Variants in DNMBP observed in about 807,000 individuals in gnomAD.
DNMBP encodes dynamin binding protein.
DNMBP carries 87 observed loss-of-function variants against 150.0 expected under a neutral mutation model. The observed-to-expected ratio is 0.58, with a 90% CI of 0.49 to 0.69. DNMBP has a LOEUF of 0.69. DNMBP is among the 30% of genes least tolerant of loss of function. DNMBP has a pLI of 0.00. For synonymous variants in DNMBP, 711 were observed against 750.4 expected (o/e 0.95, Z 0.86); for missense variants, 1,774 against 1,949.0 (o/e 0.91, Z 1.69).
intron 1 of DNMBP, among the ~76,000 whole-genome samples, chr10:99,997,572 TA>T (rs911357683): frequency 6.6e-6 from 1 of 151,694 alleles, no homozygotes; most frequent in African/African-American, 2.4e-5. Context: ...CAGACACCCT[TA>T]AAAAATCCAG....
At chr10:99,900,724 T>C (rs1253834480) in intron 6 of DNMBP, among the ~76,000 whole-genome samples, 3 of 151,986 alleles carry the variant, frequency 2.0e-5, no homozygotes, top group Non-Finnish European at 1.5e-5. Context: ...TCCGCCTCCC[T>C]GGTTCAAGTG....
At chr10:99,964,500 T>TC (rs1232180436) in intron 3 of DNMBP, among the ~76,000 whole-genome samples, 1 of 151,796 alleles carries the variant, frequency 6.6e-6, no homozygotes, top group Non-Finnish European at 1.5e-5. Context: ...TGTTTTTGTT[T>TC]TTTTTTTAGG....
intron 4 of DNMBP, among the ~76,000 whole-genome samples, chr10:99,944,617 C>T (rs1413829877): frequency 5.9e-5 from 9 of 152,214 alleles, no homozygotes. Context: ...GTACCCAGCC[C>T]TTAGCACAGT....
At chr10:99,916,245 C>G (rs1330900857) in intron 4 of DNMBP, among the ~76,000 whole-genome samples, 1 of 152,196 alleles carries the variant, frequency 6.6e-6, no homozygotes, top group Non-Finnish European at 1.5e-5. Context: ...GGCGGATCAC[C>G]TGAGGTGAGG....
intron 1 of DNMBP, among the ~76,000 whole-genome samples, chr10:99,998,801 T>A (rs1564759417): frequency 6.6e-6 from 1 of 152,128 alleles, no homozygotes; most frequent in Non-Finnish European, 1.5e-5. Flanking sequence ...CTATTTTTTT[T>A]AAGTCATTAG....
intron 4 of DNMBP, among the ~76,000 whole-genome samples, chr10:99,935,369 GT>G (rs972386783): frequency 2.7e-5 from 4 of 149,452 alleles, no homozygotes; most frequent in South Asian, 2.1e-4. Context: ...GACAGACTTA[GT>G]TTTTTTTTTC....
intron 1 of DNMBP, among the ~76,000 whole-genome samples, chr10:99,986,701 A>G (rs2040831849): frequency 6.6e-6 from 1 of 151,942 alleles, no homozygotes; most frequent in Non-Finnish European, 1.5e-5. Flanking sequence ...GCTTGAAACA[A>G]TCAGAGGTTA....
chr10:99,965,456 C>T (rs146841105), intron 3 of DNMBP, among the ~76,000 whole-genome samples: 2 of 151,126 alleles, frequency 1.3e-5, no homozygotes, highest in Admixed American at 6.6e-5. Context: ...TAAAAAGGCA[C>T]GTGGTAAAAC....
intron 4 of DNMBP, among the ~76,000 whole-genome samples, chr10:99,923,394 A>T (rs943850169): frequency 1.3e-5 from 2 of 151,622 alleles, no homozygotes; most frequent in African/African-American, 4.9e-5. Context: ...TCCAAAAAAA[A>T]TAATAATAAA....
In DNMBP at chr10:99,880,261, C is replaced by T. The variant is rs758879428; in HGVS notation, c.4098G>A (p.Glu1366=). ...SVGSHSSTES[E]HGSSSPRFPR... ...GGAACCTGGGGGAGGAGCTGCCGTG[C>T]TCAGACTCTGTGGAGGAGTGGCTAC... Residue 1366 remains glutamate, a synonymous_variant, in exon 16 of 17, where the codon GAG becomes GAA. Transcript: ENST00000324109. The T allele has an allele frequency of 1.4e-5, 22 of 1,614,106 alleles. No homozygotes were observed. In the South Asian group the frequency reaches 2.4e-4, roughly 18 times the overall value.
intron 6 of DNMBP, among the ~76,000 whole-genome samples, chr10:99,902,173 G>A (rs1436523180): frequency 1.3e-5 from 2 of 151,980 alleles, no homozygotes; most frequent in South Asian, 2.1e-4. Flanking sequence ...TAACGGGCGT[G>A]AGTCACCATG....
At chr10:99,902,541 C>T (rs552182115) in intron 6 of DNMBP, among the ~76,000 whole-genome samples, 1 of 148,676 alleles carries the variant, frequency 6.7e-6, no homozygotes, top group East Asian at 2.1e-4. Flanking sequence ...AACTCCTGAT[C>T]TCAGGTGATC....
intron 13 of DNMBP, 135 bp from the exon 14 acceptor site, chr10:99,886,001 G>A: frequency 5.4e-6 from 5 of 924,058 alleles, no homozygotes; most frequent in South Asian, 1.9e-5. Flanking sequence ...AAGTTCAGCT[G>A]CAGCTCATTC....
chr10:100,007,195 T>TAC (rs370248949), intron 1 of DNMBP, among the ~76,000 whole-genome samples: 238 of 151,568 alleles, frequency 1.6e-3, no homozygotes, highest in African/African-American at 4.7e-3. Context: ...CACATATACA[T>TAC]ACACACACAC....
intron 4 of DNMBP, among the ~76,000 whole-genome samples, chr10:99,923,484 G>A (rs1216200909): frequency 3.3e-5 from 5 of 151,928 alleles, no homozygotes; most frequent in Admixed American, 3.3e-4. Flanking sequence ...CTGTAACTGT[G>A]GGCATCTCTG....
At chr10:100,001,823 G>A (rs1340799676) in intron 1 of DNMBP, among the ~76,000 whole-genome samples, 1 of 152,192 alleles carries the variant, frequency 6.6e-6, no homozygotes, top group Non-Finnish European at 1.5e-5. Flanking sequence ...GACAACCTGG[G>A]AGGACTGAAC....
At chr10:99,892,077 C>A (rs1163414214) in intron 11 of DNMBP, among the ~76,000 whole-genome samples, 3 of 139,908 alleles carry the variant, frequency 2.1e-5, no homozygotes, top group African/African-American at 9.1e-5. Context: ...CCAGCCACCC[C>A]ATCTGGGAGG....
chr10:99,956,156 A>G lies in DNMBP; in HGVS notation c.1318T>C (p.Ser440Pro). ...YSTVGGSHPH[S>P]EQYPDLLPLE... ...GGAAGAAGGTCGGGGTACTGTTCTG[A>G]GTGCGGGTGGCTCCCTCCCACTGTA... The change falls in exon 4 of 17, where the codon TCA (serine) becomes CCA (proline). Residue 440 changes from serine (S) to proline (P), a missense_variant. Transcript: ENST00000324109. 3 of 1,614,076 alleles carry G rather than the reference A, an allele frequency of 1.9e-6. No homozygotes were observed. Among genetic ancestry groups the G allele is most frequent in the Non-Finnish European group, 2.5e-6 (3 of 1,180,018 alleles).
At chr10:100,007,212 T>G (rs2041083127) in intron 1 of DNMBP, among the ~76,000 whole-genome samples, 1 of 152,098 alleles carries the variant, frequency 6.6e-6, no homozygotes, top group Admixed American at 6.6e-5. Flanking sequence ...ACACACACTC[T>G]TACCCTTTCC....
Sources: allele counts gnomAD v4.1 joint callset (sites outside exome capture counted in the v4.1 genomes callset), GRCh38; gene constraint gnomAD v4.1.1; transcripts MANE v1.5; gene names NCBI Gene and HGNC (gene_info 2026-07-23, HGNC 2026-07-21).